Variants in APPBP2 observed in about 807,000 individuals in gnomAD.
APPBP2 encodes amyloid beta precursor protein binding protein 2, also known as amyloid protein-binding protein 2.
A neutral mutation model predicts 76.0 loss-of-function variants in APPBP2; 15 were observed. The observed-to-expected ratio is 0.20, with a 90% CI of 0.13 to 0.30. APPBP2 has a LOEUF of 0.30. Among genes scored for constraint, APPBP2 ranks in the 10% least tolerant of loss-of-function variants. The pLI, the probability that APPBP2 is intolerant of heterozygous loss-of-function variation, is 1.00. For missense variants in APPBP2, 401 were observed against 687.2 expected, an observed-to-expected ratio of 0.58 and a Z score of 4.66; for synonymous variants, 222 against 242.2, an observed-to-expected ratio of 0.92 and a Z score of 0.77.
intron 3 of APPBP2, among the ~76,000 whole-genome samples, chr17:60,481,724 A>G (rs1198352773): frequency 6.6e-6 from 1 of 152,232 alleles, no homozygotes; most frequent in Non-Finnish European, 1.5e-5. Flanking sequence ...TTCTCTGTTC[A>G]AAACAAATGA....
intron 3 of APPBP2, among the ~76,000 whole-genome samples, chr17:60,488,816 A>G (rs1389293854): frequency 2.0e-5 from 3 of 152,202 alleles, no homozygotes; most frequent in Non-Finnish European, 4.4e-5. Flanking sequence ...TTTTTACATG[A>G]TCATATAGAA....
intron 1 of APPBP2, among the ~76,000 whole-genome samples, chr17:60,511,315 G>A (rs111383131): frequency 9.6e-4 from 146 of 152,188 alleles, no homozygotes; most frequent in African/African-American, 3.1e-3. Context: ...TGCCGGGCGC[G>A]GTGGCTCACG....
chr17:60,500,354 A>G, intron 2 of APPBP2, 45 bp downstream of exon 2: 1 of 1,345,208 alleles, frequency 7.4e-7, no homozygotes, highest in Non-Finnish European at 1.0e-6. Context: ...AAAATGGTAA[A>G]TTTTATGTTA....
chr17:60,517,547 A>G (rs916342338), intron 1 of APPBP2, among the ~76,000 whole-genome samples: 3 of 152,210 alleles, frequency 2.0e-5, no homozygotes, highest in African/African-American at 4.8e-5. Flanking sequence ...TTTATCTGGA[A>G]ATGACTTTTG....
At chr17:60,454,556 T>A in intron 10 of APPBP2, 64 bp from the exon 11 acceptor site, 1 of 1,033,216 alleles carries the variant, frequency 9.7e-7, no homozygotes, top group Non-Finnish European at 1.4e-6. Context: ...TAAGAACATC[T>A]AATTTAAACT....
At chr17:60,464,145 G>A in intron 5 of APPBP2, 35 bp from the exon 6 acceptor site, 1 of 1,524,142 alleles carries the variant, frequency 6.6e-7, no homozygotes. Flanking sequence ...ACAGAACTGT[G>A]GTTAAATCAA....
At chr17:60,515,354 G>A (rs1332821293) in intron 1 of APPBP2, among the ~76,000 whole-genome samples, 8 of 149,456 alleles carry the variant, frequency 5.4e-5, no homozygotes, top group Non-Finnish European at 7.4e-5. Flanking sequence ...GAACTCAGGC[G>A]ATCCACCCAC....
At chr17:60,501,848 G>T (rs1216001162) in intron 1 of APPBP2, among the ~76,000 whole-genome samples, 1 of 152,052 alleles carries the variant, frequency 6.6e-6, no homozygotes, top group Non-Finnish European at 1.5e-5. Flanking sequence ...TAAATCACTA[G>T]TCACAATGGA....
At chr17:60,500,936 A>G (rs1233639562) in intron 1 of APPBP2, among the ~76,000 whole-genome samples, 1 of 152,214 alleles carries the variant, frequency 6.6e-6, no homozygotes, top group African/African-American at 2.4e-5. Flanking sequence ...ATAGTAGAGC[A>G]TGTCAATAGT....
chr17:60,499,046 A>G (rs891163262), intron 2 of APPBP2, among the ~76,000 whole-genome samples: 1 of 152,198 alleles, frequency 6.6e-6, no homozygotes, highest in African/African-American at 2.4e-5. Flanking sequence ...TGGAATTTTA[A>G]AAAACAAGTA....
At chr17:60,512,088 GTTT>G (rs1046144611) in intron 1 of APPBP2, among the ~76,000 whole-genome samples, 2 of 150,734 alleles carry the variant, frequency 1.3e-5, no homozygotes, top group African/African-American at 5.0e-5. Context: ...TCCTTGAGGT[GTTT>G]TTTTATTATT....
chr17:60,518,972 C>G (rs79039410), intron 1 of APPBP2, among the ~76,000 whole-genome samples: 2,380 of 152,146 alleles, frequency 0.016, 64 homozygotes, highest in African/African-American at 0.053. Flanking sequence ...TTTTTCCCCC[C>G]CTTTGAGACA....
intron 1 of APPBP2, among the ~76,000 whole-genome samples, chr17:60,513,035 G>A (rs9909472): frequency 0.077 from 11,397 of 148,914 alleles, 1,501 homozygotes; most frequent in African/African-American, 0.27. Context: ...GTGAGACAGC[G>A]CTATTCCGTG....
chr17:60,443,958 A>G lies in APPBP2; in HGVS notation c.*3623T>C, dbSNP rs1426258263. On this transcript the variant is annotated 3_prime_UTR_variant, in exon 13 of 13. Transcript: ENST00000083182. ...GAAGCTGGAGATTAATCCAAATGTC[A>G]TATTAACAACAAAAAATTTCCTAGC... The G allele has an allele frequency of 6.6e-6, 1 of 152,450 alleles. No homozygotes were observed. Among genetic ancestry groups the G allele is most frequent in the Non-Finnish European group, 1.5e-5 (1 of 68,022 alleles). 9.4% of individuals were successfully genotyped at this position (152,450 alleles called of 1,614,324 possible). A position where few individuals can be genotyped will look rare whatever the true frequency, so the allele number is the denominator to read the frequency against.
chr17:60,511,582 GAAAAAAAAA>G lies in APPBP2; in HGVS notation c.139-11104_139-11096del, dbSNP rs397946277. 4.3e-5 allele frequency among the ~76,000 whole-genome samples: 5 copies of G among 116,746 alleles called. No homozygotes were observed. In the South Asian group the frequency reaches 1.4e-3, roughly 33 times the overall value. The allele number at this position is 116,746 out of a possible 152,430, so 76.6% of individuals were successfully genotyped here. On this transcript the variant is annotated intron_variant, in intron 1 of 12. Coordinates refer to ENST00000083182, the MANE Select transcript of APPBP2 (RefSeq NM_006380.5). ...CCTGGCGACAGAGCAAGACTCCATT[GAAAAAAAAA>G]AAAAAGAAAAAGAAAAAAGAAAACA...
intron 1 of APPBP2, among the ~76,000 whole-genome samples, chr17:60,517,512 A>T (rs1010869240): frequency 1.8e-4 from 27 of 152,202 alleles, no homozygotes; most frequent in Admixed American, 1.8e-3. Flanking sequence ...TTTCTAAAAA[A>T]CTTTTTTCAT....
At chr17:60,458,193 G>A (rs1395651161) in intron 9 of APPBP2, among the ~76,000 whole-genome samples, 1 of 152,140 alleles carries the variant, frequency 6.6e-6, no homozygotes, top group Non-Finnish European at 1.5e-5. Flanking sequence ...CAGCACTTTA[G>A]GAGGCCAAGG....
At chr17:60,501,518 T>A (rs2090823350) in intron 1 of APPBP2, among the ~76,000 whole-genome samples, 1 of 152,020 alleles carries the variant, frequency 6.6e-6, no homozygotes, top group African/African-American at 2.4e-5. Flanking sequence ...CACCTCAGCA[T>A]CCCTAGTAGC....
At chr17:60,481,372 C>CT (rs2143387400) in intron 3 of APPBP2, among the ~76,000 whole-genome samples, 1 of 152,268 alleles carries the variant, frequency 6.6e-6, no homozygotes, top group African/African-American at 2.4e-5. Flanking sequence ...GGAAGGATCC[C>CT]TTGAGGCCAA....
Sources: allele counts gnomAD v4.1 joint callset (sites outside exome capture counted in the v4.1 genomes callset), GRCh38; gene constraint gnomAD v4.1.1; transcripts MANE v1.5; gene names NCBI Gene and HGNC (gene_info 2026-07-23, HGNC 2026-07-21).